Variants in ABR observed in about 807,000 individuals in gnomAD.
The protein encoded by ABR is ABR activator of RhoGEF and GTPase.
A neutral mutation model predicts 107.2 loss-of-function variants in ABR; 35 were observed. The observed-to-expected ratio is 0.33, with a 90% CI of 0.25 to 0.43. The LOEUF is 0.43. Among genes scored for constraint, ABR ranks in the 20% least tolerant of loss-of-function variants. ABR has a pLI of 1.00. For synonymous variants in ABR, 498 were observed against 462.0 expected (o/e 1.08, Z -1.00); for missense variants, 815 against 1,115.2 (o/e 0.73, Z 3.83).
chr17:1,138,808 G>A (rs1047927127), intron 1 of ABR, among the ~76,000 whole-genome samples: 1 of 152,192 alleles, frequency 6.6e-6, no homozygotes, highest in African/African-American at 2.4e-5. Flanking sequence ...TAAAATCTAA[G>A]TTGTACTGTT....
intron 16 of ABR, among the ~76,000 whole-genome samples, chr17:1,021,171 G>T (rs2071594855): frequency 1.3e-5 from 2 of 152,202 alleles, no homozygotes; most frequent in South Asian, 2.1e-4. Context: ...GGAGGGGGGA[G>T]CAGAGGTCCC....
Position 1,092,952 on chromosome 17 carries a change from A to T in ABR, c.346-1102T>A, listed in dbSNP as rs1256562675. On this transcript the variant is annotated intron_variant, in intron 3 of 22. Transcript: ENST00000302538. The surrounding 1 kb of genome is among the most constrained non-coding windows in gnomAD (Gnocchi z 4.6). Reference sequence around the variant, plus strand: ...CTCCTGCCTCAGCCTCCCAAGTAACAGGGACTACAGGCGCCCGCCACCACG... The same window carrying T: ...CTCCTGCCTCAGCCTCCCAAGTAACTGGGACTACAGGCGCCCGCCACCACG... 4.0e-5 allele frequency among the ~76,000 whole-genome samples: 6 copies of T among 150,166 alleles called. No individual in the cohort carries two copies. The highest frequency in any genetic ancestry group is 1.5e-4 in the African/African-American group (6 of 40,948).
chr17:1,059,309 C>T (rs758949375), intron 10 of ABR, among the ~76,000 whole-genome samples: 1 of 152,224 alleles, frequency 6.6e-6, no homozygotes, highest in Non-Finnish European at 1.5e-5. Flanking sequence ...AAAGCTGTGG[C>T]CACACTTTCT....
chr17:1,005,185 C>T lies in ABR; in HGVS notation c.*895G>A, dbSNP rs1028392431. On this transcript the variant is annotated 3_prime_UTR_variant, in exon 23 of 23. Transcript: ENST00000302538. ...TTCTCTCCTGACCCTCTGGCTATCT[C>T]GATAGCAGGTCACCTGTGAGTCTTT... 7 of 398,598 alleles carry T rather than the reference C, an allele frequency of 1.8e-5. No homozygotes were observed. Among genetic ancestry groups the T allele is most frequent in the Admixed American group, 1.3e-4 (3 of 22,708 alleles). The allele number at this position is 398,598 out of a possible 1,614,324, so 24.7% of individuals were successfully genotyped here.
intron 21 of ABR, among the ~76,000 whole-genome samples, chr17:1,008,970 T>C (rs2070291718): frequency 6.6e-6 from 1 of 152,224 alleles, no homozygotes. Context: ...GGTCTGCTAC[T>C]AACCCAAGCA....
chr17:1,140,202 G>A (rs141661667), intron 1 of ABR, among the ~76,000 whole-genome samples: 2 of 152,354 alleles, frequency 1.3e-5, no homozygotes, highest in African/African-American at 4.8e-5. Flanking sequence ...CGATGGGAGA[G>A]TTGACTGAAA....
chr17:1,121,260 C>G (rs999832085), intron 2 of ABR, among the ~76,000 whole-genome samples: 3 of 152,240 alleles, frequency 2.0e-5, no homozygotes, highest in African/African-American at 7.2e-5. Flanking sequence ...CTGCCAACAC[C>G]GCAGAGACCC....
chr17:1,081,131 G>A (rs896559971), intron 5 of ABR, among the ~76,000 whole-genome samples: 1 of 152,228 alleles, frequency 6.6e-6, no homozygotes, highest in South Asian at 2.1e-4. Flanking sequence ...TCTGACCCCG[G>A]GATCTTGGGC....
intron 16 of ABR, among the ~76,000 whole-genome samples, chr17:1,039,880 C>T (rs1232872902): frequency 6.6e-6 from 1 of 152,160 alleles, no homozygotes; most frequent in Admixed American, 6.5e-5. Flanking sequence ...GGCTGATCTT[C>T]CAGGGAGAGG....
intron 1 of ABR, among the ~76,000 whole-genome samples, chr17:1,206,311 C>T (rs11658347): frequency 0.14 from 21,231 of 152,156 alleles, 1,724 homozygotes; most frequent in Middle Eastern, 0.21. Flanking sequence ...ATCCCTTGAC[C>T]CCTTAGATCA....
chr17:1,109,870 C>T lies in ABR; in HGVS notation c.247-9135G>A, dbSNP rs557876251. Among the ~76,000 whole-genome samples, 224 of 131,910 alleles carry T rather than the reference C, an allele frequency of 1.7e-3. 1 individual carries two copies. Among genetic ancestry groups the T allele is most frequent in the African/African-American group, 6.0e-3 (218 of 36,374 alleles). The allele number at this position is 131,910 out of a possible 152,430, so 86.5% of individuals were successfully genotyped here. On this transcript the variant is annotated intron_variant, in intron 2 of 22. Transcript: ENST00000302538. ...CCTCCTCCAAGCAGCCCCCCTCCTC[C>T]GAGCAGTCCCCCCACTCACGGACGC...
intron 10 of ABR, among the ~76,000 whole-genome samples, chr17:1,062,444 G>C (rs1356147087): frequency 3.8e-4 from 51 of 134,382 alleles, no homozygotes; most frequent in Admixed American, 9.1e-4. Context: ...TGTTCCTCTA[G>C]CACTGCTGTT....
chr17:1,226,714 CATGT>C (rs56396825), intron 1 of ABR, among the ~76,000 whole-genome samples: 67,751 of 150,914 alleles, frequency 0.45, 15,569 homozygotes, highest in Middle Eastern at 0.5. Context: ...TGTGTGCATG[CATGT>C]ATGTGGCAGT....
In ABR at chr17:1,157,884, T is replaced by C. The variant is rs1453283581; in HGVS notation, c.61+21783A>G. On this transcript the variant is annotated intron_variant, in intron 1 of 22. Transcript: ENST00000302538. This position sits in a 1 kb window ranked among gnomAD's most constrained non-coding sequence, Gnocchi z 4.7. ...CCTAGGAAGGGATCGTGCAGTTTGG[T>C]AGGTCACCTTCTAGAATGGATTGAA... Among the ~76,000 whole-genome samples, 1 of 152,244 alleles carries C rather than the reference T, an allele frequency of 6.6e-6. No individual in the cohort carries two copies. The highest frequency in any genetic ancestry group is 1.5e-5 in the Non-Finnish European group (1 of 68,042).
chr17:1,133,682 GTC>G (rs777345255), intron 1 of ABR, among the ~76,000 whole-genome samples: 4 of 152,162 alleles, frequency 2.6e-5, no homozygotes, highest in Non-Finnish European at 2.9e-5. Context: ...TTAATGTACG[GTC>G]TCTGCGCTCT....
At chr17:1,083,443 G>T in intron 5 of ABR, 77 bp downstream of exon 5, 1 of 1,024,178 alleles carries the variant, frequency 9.8e-7, no homozygotes, top group South Asian at 1.6e-5. Context: ...TGGCAAGCGA[G>T]GGAGGGGAGA....
At chr17:1,013,222 T>C in intron 16 of ABR, 58 bp from the exon 17 acceptor site, 1 of 1,542,710 alleles carries the variant, frequency 6.5e-7, no homozygotes, top group Non-Finnish European at 9.0e-7. Context: ...GCCAGAGATC[T>C]CCCCGTGGGT....
Position 1,134,658 on chromosome 17 carries a change from G to C in ABR, c.62-9291C>G, listed in dbSNP as rs535296906. ...AAATCTCCGAGATGCTACGACAGAG[G>C]CCTCAAAGGCCCGGCAAGGCGGACC... On this transcript the variant is annotated intron_variant, in intron 1 of 22. Transcript: ENST00000302538. Among the ~76,000 whole-genome samples, 319 of 152,328 alleles carry C rather than the reference G, an allele frequency of 2.1e-3. 2 individuals are homozygous for C. The highest frequency in any genetic ancestry group is 7.5e-4 in the Non-Finnish European group (51 of 68,034).
At chr17:1,029,384 C>G (rs1440343933) in intron 16 of ABR, among the ~76,000 whole-genome samples, 1 of 152,136 alleles carries the variant, frequency 6.6e-6, no homozygotes, top group Non-Finnish European at 1.5e-5. Context: ...AGGCCCTGCA[C>G]TATTTAAAGG....
Sources: gnomAD v4.1 joint callset for allele counts (sites outside exome capture counted in the v4.1 genomes callset) on GRCh38, gnomAD v4.1.1 for gene constraint, Gnocchi (gnomAD v3.1) non-coding constraint, MANE v1.5 for transcripts, NCBI Gene and HGNC (gene_info 2026-07-23, HGNC 2026-07-21) for gene names.